The following DEPDC5 variants were observed in gnomAD, a reference collection of about 807,000 sequenced individuals.
DEPDC5 encodes the protein GATOR1 complex protein DEPDC5.
Under a neutral mutation model 217.3 loss-of-function variants are expected in DEPDC5, and 73 were observed. The observed-to-expected ratio is 0.34, with a 90% CI of 0.28 to 0.41. The LOEUF is 0.41. Ranked by LOEUF, DEPDC5 falls within the 10% of genes least tolerant of loss-of-function variation. The pLI is 1.00. For missense variants in DEPDC5, 1,675 were observed against 2,070.1 expected, an observed-to-expected ratio of 0.81 and a Z score of 3.70; for synonymous variants, 733 against 756.7, an observed-to-expected ratio of 0.97 and a Z score of 0.51.
chr22:31,876,690 G>C (rs1340330941), intron 37 of DEPDC5, among the ~76,000 whole-genome samples: 1 of 152,072 alleles, frequency 6.6e-6, no homozygotes, highest in African/African-American at 2.4e-5. Flanking sequence ...TCTAACCCCA[G>C]GAAACTATCA....
chr22:31,862,572 T>A lies in DEPDC5; in HGVS notation c.3330+1139T>A, dbSNP rs555465958. On this transcript the variant is annotated intron_variant, in intron 33 of 42. Coordinates refer to ENST00000651528, the MANE Select transcript of DEPDC5 (RefSeq NM_001242896.3). The stretch of plus-strand genomic sequence containing the variant: ...GAGCCAGAGTCCATCTCAAAAAAAA[T>A]AATAATAACAAAATAGAATTTTTTA... 1.2e-4 allele frequency among the ~76,000 whole-genome samples: 19 copies of A among 152,256 alleles called. No individual in the cohort carries two copies. The East Asian group carries it at 1.3e-3, about 11-fold the overall frequency.
In DEPDC5 at chr22:31,833,846, A is replaced by G. The variant is rs543051530; in HGVS notation, c.2105-69A>G. 7.2e-5 allele frequency: 99 copies of G among 1,376,024 alleles called. No individual in the cohort carries two copies. The African/African-American group carries it at 1.3e-3, about 18-fold the overall frequency. The allele number at this position is 1,376,024 out of a possible 1,614,324, so 85.2% of individuals were successfully genotyped here. A position where few individuals can be genotyped will look rare whatever the true frequency, so the allele number is the denominator to read the frequency against. On this transcript the variant is annotated intron_variant, in intron 24 of 42. Coordinates refer to ENST00000651528, the MANE Select transcript of DEPDC5 (RefSeq NM_001242896.3). ...TTTTAGCTCCAGTTTGCCTTTTTCAACCATAACTGGTCAGAACTCTTTTGC... is the reference window on the plus strand; with the variant it reads ...TTTTAGCTCCAGTTTGCCTTTTTCAGCCATAACTGGTCAGAACTCTTTTGC...
intron 24 of DEPDC5, among the ~76,000 whole-genome samples, chr22:31,823,455 C>G (rs919543233): frequency 6.6e-6 from 1 of 150,786 alleles, no homozygotes; most frequent in Non-Finnish European, 1.5e-5. Context: ...ATCTCATGAA[C>G]CTGGGAGGCG....
At chr22:31,808,661 C>T (rs2087865027) in intron 18 of DEPDC5, among the ~76,000 whole-genome samples, 1 of 151,604 alleles carries the variant, frequency 6.6e-6, no homozygotes, top group Non-Finnish European at 1.5e-5. Context: ...GTCTTGAACT[C>T]CTGACCTCAG....
intron 23 of DEPDC5, among the ~76,000 whole-genome samples, chr22:31,822,381 C>G (rs1241383796): frequency 6.6e-6 from 1 of 152,128 alleles, no homozygotes; most frequent in Non-Finnish European, 1.5e-5. Context: ...TCACACCCAT[C>G]CTTGTTTGTA....
chr22:31,784,585 A>G (rs940190539), intron 9 of DEPDC5: 4 of 420,112 alleles, frequency 9.5e-6, no homozygotes, highest in Non-Finnish European at 1.3e-5. Context: ...ATGCCACTGC[A>G]TTCCAGCCTG....
chr22:31,874,095 C>A (rs572436643), intron 35 of DEPDC5, 178 bp from the exon 36 acceptor site: 2 of 1,016,806 alleles, frequency 2.0e-6, no homozygotes, highest in Non-Finnish European at 2.8e-6. Context: ...GCTGGGCCCC[C>A]GGTAACAGTT....
chr22:31,767,345 G>T (rs1325766636), intron 6 of DEPDC5, among the ~76,000 whole-genome samples: 1 of 152,016 alleles, frequency 6.6e-6, no homozygotes, highest in Non-Finnish European at 1.5e-5. Context: ...GCCCAGGCTG[G>T]AGTGCAATGG....
chr22:31,866,203 G>T lies in DEPDC5; in HGVS notation c.3331-4387G>T, dbSNP rs1051687625. Among the ~76,000 whole-genome samples, 7 of 152,196 alleles carry T rather than the reference G, an allele frequency of 4.6e-5. No homozygotes were observed. In the East Asian group the frequency reaches 7.7e-4, roughly 17 times the overall value. On this transcript the variant is annotated intron_variant, in intron 33 of 42. Coordinates refer to ENST00000651528, the MANE Select transcript of DEPDC5 (RefSeq NM_001242896.3). ...CTGTAGCTTGGGAGTGCCAGAAAGT[G>T]GGGGGAAATTGGGGATTGGTGCTGC...
intron 11 of DEPDC5, 56 bp downstream of exon 11, chr22:31,792,158 AC>A: frequency 2.4e-6 from 3 of 1,263,318 alleles, no homozygotes; most frequent in Non-Finnish European, 2.3e-6. Flanking sequence ...CCCCAACCCC[AC>A]CCCAGCCATT....
intron 6 of DEPDC5, among the ~76,000 whole-genome samples, chr22:31,767,692 A>G (rs1429406486): frequency 6.6e-6 from 1 of 152,060 alleles, no homozygotes; most frequent in Non-Finnish European, 1.5e-5. Flanking sequence ...TTGGCCTCCC[A>G]AAGTGCTAGG....
At chr22:31,796,716 A>G (rs2086279112) in intron 12 of DEPDC5, among the ~76,000 whole-genome samples, 1 of 149,588 alleles carries the variant, frequency 6.7e-6, no homozygotes, top group Non-Finnish European at 1.5e-5. Flanking sequence ...TTTTTTTTTG[A>G]GATGGAGTCT....
intron 10 of DEPDC5, among the ~76,000 whole-genome samples, chr22:31,788,865 C>T (rs1039250205): frequency 2.7e-5 from 4 of 150,444 alleles, no homozygotes; most frequent in Admixed American, 1.3e-4. Context: ...CGTGAGCCTC[C>T]GCGACTGGGC....
chr22:31,838,536 C>A, intron 26 of DEPDC5, 149 bp from the exon 27 acceptor site: 2 of 1,024,124 alleles, frequency 2.0e-6, no homozygotes, highest in Non-Finnish European at 2.8e-6. Flanking sequence ...CAGACATGAG[C>A]CACCATGCCC....
intron 7 of DEPDC5, among the ~76,000 whole-genome samples, chr22:31,771,651 CAG>C (rs1270267885): frequency 6.9e-6 from 1 of 143,994 alleles, no homozygotes; most frequent in African/African-American, 2.6e-5. Context: ...ACCAGGGAGT[CAG>C]AGGTTGCAGT....
At chr22:31,766,758 CT>C in intron 6 of DEPDC5, 90 bp downstream of exon 6, 8 of 1,181,578 alleles carry the variant, frequency 6.8e-6, no homozygotes, top group Non-Finnish European at 9.9e-6. Flanking sequence ...AAAATCGTTT[CT>C]GATTTTATAT....
rs574512279 is a variant in DEPDC5 at position 31,784,927 on chromosome 22, G to T, written c.624+52G>T. 4.6e-6 allele frequency: 7 copies of T among 1,527,270 alleles called. No homozygotes were observed. In the African/African-American group the frequency reaches 8.3e-5, roughly 18 times the overall value. The allele number at this position is 1,527,270 out of a possible 1,614,324, so 94.6% of individuals were successfully genotyped here. On this transcript the variant is annotated intron_variant, in intron 10 of 42. Coordinates refer to ENST00000651528, the MANE Select transcript of DEPDC5 (RefSeq NM_001242896.3). ...TCATTATGTAAACATTACTCAATCAGATTTTTAAAATGCACTGTTTTTATT... is the reference window on the plus strand; with the variant it reads ...TCATTATGTAAACATTACTCAATCATATTTTTAAAATGCACTGTTTTTATT...
In DEPDC5 at chr22:31,837,168, G is replaced by A; in HGVS notation, c.2354+13G>A. The A allele has an allele frequency of 3.1e-6, 5 of 1,613,408 alleles. No individual in the cohort carries two copies. Among genetic ancestry groups the A allele is most frequent in the Non-Finnish European group, 4.2e-6 (5 of 1,179,666 alleles). On this transcript the variant is annotated intron_variant, in intron 26 of 42. Transcript: ENST00000651528. ...CAGACATCGACAGGTCAGTGTCAGA[G>A]AAAAAGGCACTTGGCTTGGTTGGTG... is the stretch of plus-strand genomic sequence containing the variant.
chr22:31,792,011 G>C (rs2085718093), intron 10 of DEPDC5, 22 bp from the exon 11 acceptor site: 1 of 1,556,480 alleles, frequency 6.4e-7, no homozygotes, highest in Non-Finnish European at 8.8e-7. Flanking sequence ...CTTCAACCCT[G>C]TTGTTCTCTA....
Sources: allele counts gnomAD v4.1 joint callset (sites outside exome capture counted in the v4.1 genomes callset), GRCh38; gene constraint gnomAD v4.1.1; transcripts MANE v1.5; gene names NCBI Gene and HGNC (gene_info 2026-07-23, HGNC 2026-07-21).